The following PLEKHA6 variants were observed in gnomAD, a reference collection of about 807,000 sequenced individuals.
PLEKHA6 encodes pleckstrin homology domain-containing family A member 6.
In PLEKHA6, 60 loss-of-function variants were observed where a neutral mutation model predicts 116.7. The ratio of observed to expected loss-of-function variants is 0.51; its 90% CI spans 0.42 to 0.64. The LOEUF (loss-of-function observed/expected upper bound fraction) is 0.64. Among genes scored for constraint, PLEKHA6 ranks in the 30% least tolerant of loss-of-function variants. PLEKHA6 has a pLI of 0.00. For missense variants in PLEKHA6, 1,338 were observed against 1,422.7 expected, an observed-to-expected ratio of 0.94 and a Z score of 0.96; for synonymous variants, 489 against 556.1, an observed-to-expected ratio of 0.88 and a Z score of 1.70.
At chr1:204,325,826 C>T in intron 1 of PLEKHA6, 1 of 769,458 alleles carries the variant, frequency 1.3e-6, no homozygotes, top group Non-Finnish European at 1.6e-6. Context: ...CTTAGTCCTG[C>T]AGAGATCTCA....
At chr1:204,341,013 T>G (rs757128746) in intron 1 of PLEKHA6, among the ~76,000 whole-genome samples, 11 of 152,188 alleles carry the variant, frequency 7.2e-5, no homozygotes, top group Non-Finnish European at 1.6e-4. Flanking sequence ...TGGGGAAGAC[T>G]GGGGTGCTTT....
chr1:204,336,515 G>C (rs1672653008), intron 1 of PLEKHA6, among the ~76,000 whole-genome samples: 1 of 152,206 alleles, frequency 6.6e-6, no homozygotes, highest in Non-Finnish European at 1.5e-5. Context: ...GGAGAGGTTA[G>C]TTCTAGCTGA....
rs1659397822 is a variant in PLEKHA6, at chr1:204,219,233, G to GTGTGTGTGTATATATATATATATATATAA, written c.*3526_*3554dup. On this transcript the variant is annotated 3_prime_UTR_variant, in exon 23 of 23. Transcript: ENST00000272203. ...TAAATAGATATACGTGTGTGTGTGT[G>GTGTGTGTGTATATATATATATATATATAA]TGTGTGTGTATATATATATATATAT... is the stretch of plus-strand genomic sequence containing the variant. 1 of 146,040 alleles carries GTGTGTGTGTATATATATATATATATATAA rather than the reference G, an allele frequency of 6.8e-6. No homozygotes were observed. The highest frequency in any genetic ancestry group is 6.7e-5 in the Admixed American group (1 of 14,904). The allele number at this position is 146,040 out of a possible 1,614,324, so 9.0% of individuals were successfully genotyped here. A position where few individuals can be genotyped will look rare whatever the true frequency, so the allele number is the denominator to read the frequency against.
At chr1:204,251,647 G>C (rs1485777433) in intron 9 of PLEKHA6, 1 of 699,848 alleles carries the variant, frequency 1.4e-6, no homozygotes, top group Non-Finnish European at 2.6e-6. Flanking sequence ...TTCACACTCC[G>C]ACCTACATGT....
At chr1:204,321,327 C>T (rs569207322) in intron 1 of PLEKHA6, among the ~76,000 whole-genome samples, 7 of 152,168 alleles carry the variant, frequency 4.6e-5, no homozygotes, top group African/African-American at 7.2e-5. Flanking sequence ...GAGGAAAGGA[C>T]GCAAATTGAT....
intron 2 of PLEKHA6, chr1:204,369,637 G>A (rs1035526796): frequency 3.9e-5 from 6 of 152,200 alleles, no homozygotes; most frequent in East Asian, 3.8e-4. Flanking sequence ...CCATCCAGGC[G>A]GAGTGCCCGC....
intron 17 of PLEKHA6, among the ~76,000 whole-genome samples, 170 bp downstream of exon 17, chr1:204,241,205 C>G (rs1046047985): frequency 9.2e-5 from 14 of 152,206 alleles, no homozygotes; most frequent in Non-Finnish European, 1.5e-5. Flanking sequence ...ACACATCTCC[C>G]TGCAGGAGAG....
chr1:204,282,773 G>A, intron 1 of PLEKHA6: 1 of 985,406 alleles, frequency 1.0e-6, no homozygotes, highest in Non-Finnish European at 1.2e-6. Flanking sequence ...GCTCCCTGGA[G>A]CTCCTCCTTG....
At position 204,234,995 on chromosome 1, in the gene PLEKHA6, T is replaced by C. The variant is rs1661799364; in HGVS notation, c.2410-4409A>G. On this transcript the variant is annotated intron_variant, in intron 17 of 22. Coordinates refer to ENST00000272203, the MANE Select transcript of PLEKHA6 (RefSeq NM_014935.5). ...ATATATATATATATATATATATATA[T>C]ATATATATATATATATATCTAATAG... Among the ~76,000 whole-genome samples the C allele has an allele frequency of 4.3e-4, 10 of 23,406 alleles. 1 individual carries two copies. The South Asian group carries it at 9.5e-3, about 22-fold the overall frequency. 15.4% of individuals were successfully genotyped at this position (23,406 alleles called of 152,430 possible).
intron 1 of PLEKHA6, among the ~76,000 whole-genome samples, chr1:204,314,834 AT>A (rs71582045): frequency 0.22 from 34,069 of 151,998 alleles, 3,909 homozygotes; most frequent in South Asian, 0.29. Flanking sequence ...GTATGCTGGT[AT>A]TTGGGGAGTA....
At chr1:204,326,419 A>C (rs1310373406) in intron 1 of PLEKHA6, among the ~76,000 whole-genome samples, 1 of 152,184 alleles carries the variant, frequency 6.6e-6, no homozygotes, top group Non-Finnish European at 1.5e-5. Flanking sequence ...TTCAGAACCC[A>C]AAAAGGGCCA....
intron 17 of PLEKHA6, among the ~76,000 whole-genome samples, chr1:204,237,984 TG>T (rs1662298029): frequency 6.6e-6 from 1 of 152,148 alleles, no homozygotes; most frequent in South Asian, 2.1e-4. Flanking sequence ...AGGGGTACAG[TG>T]GTATGGGGCC....
intron 1 of PLEKHA6, among the ~76,000 whole-genome samples, chr1:204,346,289 G>A (rs190368188): frequency 6.6e-6 from 1 of 152,028 alleles, no homozygotes; most frequent in African/African-American, 2.4e-5. Context: ...ATTATACCTA[G>A]AGCAGCTGAC....
chr1:204,274,303 C>A (rs936006492), intron 2 of PLEKHA6, among the ~76,000 whole-genome samples: 2 of 152,208 alleles, frequency 1.3e-5, no homozygotes, highest in African/African-American at 4.8e-5. Flanking sequence ...AAAGACACAA[C>A]TGCTTAGTGG....
At chr1:204,278,758 T>C (rs912234834) in intron 1 of PLEKHA6, among the ~76,000 whole-genome samples, 5 of 152,164 alleles carry the variant, frequency 3.3e-5, no homozygotes, top group African/African-American at 1.2e-4. Flanking sequence ...TCAGATCACA[T>C]CCTTTCCCTG....
chr1:204,281,450 A>G (rs1668599403), intron 1 of PLEKHA6, among the ~76,000 whole-genome samples: 1 of 152,052 alleles, frequency 6.6e-6, no homozygotes, highest in South Asian at 2.1e-4. Context: ...GCGTGAACCC[A>G]GGAGGTGGAG....
chr1:204,273,298 A>G (rs568180870), intron 3 of PLEKHA6, among the ~76,000 whole-genome samples: 1 of 152,332 alleles, frequency 6.6e-6, no homozygotes, highest in African/African-American at 2.4e-5. Flanking sequence ...AAGAGGTGCT[A>G]CTGGCATTTA....
At chr1:204,274,849 G>A in intron 1 of PLEKHA6, 40 bp from the exon 2 acceptor site, 1 of 985,924 alleles carries the variant, frequency 1.0e-6, no homozygotes, top group Non-Finnish European at 1.2e-6. Context: ...TAAAGATGAA[G>A]AAGGCAGAGA....
intron 3 of PLEKHA6, among the ~76,000 whole-genome samples, chr1:204,367,507 T>A (rs1673685365): frequency 6.6e-6 from 1 of 152,080 alleles, no homozygotes; most frequent in Non-Finnish European, 1.5e-5. Flanking sequence ...TCCTCTACTT[T>A]GTTGAGCCAT....
Sources: gnomAD v4.1 joint callset for allele counts (sites outside exome capture counted in the v4.1 genomes callset) on GRCh38, gnomAD v4.1.1 for gene constraint, MANE v1.5 for transcripts, NCBI Gene and HGNC (gene_info 2026-07-23, HGNC 2026-07-21) for gene names.